The following FGGY variants were observed in gnomAD, a reference collection of about 807,000 sequenced individuals.
FGGY encodes FGGY carbohydrate kinase domain-containing protein.
Under a neutral mutation model 71.3 loss-of-function variants are expected in FGGY, and 72 were observed. The observed-to-expected ratio is 1.01, with a 90% confidence interval of 0.84 to 1.23. FGGY has a LOEUF of 1.23. Ranked by LOEUF, FGGY falls within the 50% of genes most tolerant of loss-of-function variation. The pLI is 0.00. For missense variants in FGGY, 668 were observed against 682.3 expected, an observed-to-expected ratio of 0.98 and a Z score of 0.23; for synonymous variants, 251 against 250.3, an observed-to-expected ratio of 1.00 and a Z score of -0.02.
At chr1:59,615,351 C>A (rs1276854847) in intron 9 of FGGY, among the ~76,000 whole-genome samples, 1 of 152,192 alleles carries the variant, frequency 6.6e-6, no homozygotes. Context: ...TGCCACATAT[C>A]TACAACTATC....
At chr1:59,673,852 G>T (rs2097405941) in intron 13 of FGGY, 187 bp from the exon 14 acceptor site, 2 of 563,146 alleles carry the variant, frequency 3.6e-6, no homozygotes, top group Admixed American at 5.9e-5. Context: ...GCACCAGCAG[G>T]CACAGGCAGT....
At chr1:59,558,236 G>T (rs535266506) in intron 8 of FGGY, among the ~76,000 whole-genome samples, 2 of 152,294 alleles carry the variant, frequency 1.3e-5, no homozygotes, top group South Asian at 4.1e-4. Flanking sequence ...AAAATGAGTT[G>T]TTAATCACAT....
intron 7 of FGGY, among the ~76,000 whole-genome samples, chr1:59,550,560 A>G (rs1163436343): frequency 6.6e-6 from 1 of 152,156 alleles, no homozygotes; most frequent in Non-Finnish European, 1.5e-5. Context: ...CTCAGCTTGT[A>G]TTTTAGGAGA....
At chr1:59,682,269 T>C (rs975280291) in intron 14 of FGGY, among the ~76,000 whole-genome samples, 3 of 152,122 alleles carry the variant, frequency 2.0e-5, no homozygotes, top group African/African-American at 7.2e-5. Flanking sequence ...CAAGTGGAAA[T>C]GGATTCTTAT....
chr1:59,749,961 G>T (rs2098231631), intron 14 of FGGY, among the ~76,000 whole-genome samples: 1 of 152,144 alleles, frequency 6.6e-6, no homozygotes, highest in African/African-American at 2.4e-5. Flanking sequence ...AAATCACCTA[G>T]ACTGGTCCTG....
At chr1:59,359,093 T>C (rs879094995) in intron 4 of FGGY, among the ~76,000 whole-genome samples, 1 of 152,242 alleles carries the variant, frequency 6.6e-6, no homozygotes, top group Admixed American at 6.5e-5. Flanking sequence ...TAAGACATCA[T>C]TGGAGCTTAC....
At chr1:59,313,724 A>G (rs947697955) in intron 1 of FGGY, among the ~76,000 whole-genome samples, 4 of 152,218 alleles carry the variant, frequency 2.6e-5, no homozygotes, top group African/African-American at 9.7e-5. Context: ...CAAACATTGT[A>G]TGTTCTCACT....
chr1:59,382,622 C>T (rs776426642), intron 5 of FGGY, among the ~76,000 whole-genome samples: 90 of 152,278 alleles, frequency 5.9e-4, no homozygotes, highest in Non-Finnish European at 1.0e-3. Context: ...AAAGTTATTT[C>T]TGAGAGAATC....
chr1:59,338,842 A>G (rs184790237), intron 2 of FGGY, among the ~76,000 whole-genome samples: 2 of 152,296 alleles, frequency 1.3e-5, no homozygotes, highest in Admixed American at 1.3e-4. Context: ...TTTAATTTTA[A>G]TAAATGTCAA....
At chr1:59,691,494 A>G (rs1247584740) in intron 14 of FGGY, among the ~76,000 whole-genome samples, 1 of 152,116 alleles carries the variant, frequency 6.6e-6, no homozygotes, top group Admixed American at 6.5e-5. Context: ...TAGAAATTCT[A>G]TCCAGCCACT....
chr1:59,494,465 A>G (rs929059164), intron 6 of FGGY, among the ~76,000 whole-genome samples: 5 of 152,310 alleles, frequency 3.3e-5, no homozygotes, highest in Middle Eastern at 3.4e-3. Flanking sequence ...AGCAGAATGT[A>G]CTGAGGAAGG....
chr1:59,529,706 T>A (rs11207468), intron 7 of FGGY, among the ~76,000 whole-genome samples: 4 of 152,256 alleles, frequency 2.6e-5, no homozygotes, highest in Admixed American at 2.6e-4. Flanking sequence ...CCTGGAGGCA[T>A]TGGCAAATCA....
chr1:59,303,340 T>TA (rs1353913849), intron 1 of FGGY, among the ~76,000 whole-genome samples: 1 of 152,172 alleles, frequency 6.6e-6, no homozygotes, highest in East Asian at 1.9e-4. Flanking sequence ...ATTCTTCATA[T>TA]AAGGAATATC....
intron 5 of FGGY, among the ~76,000 whole-genome samples, chr1:59,381,639 G>A (rs1334141887): frequency 1.3e-5 from 1 of 78,594 alleles, no homozygotes; most frequent in Non-Finnish European, 2.8e-5. Context: ...GTGTGTGTGT[G>A]TGTGTGTGTG....
At chr1:59,740,154 C>A (rs1455770851) in intron 14 of FGGY, among the ~76,000 whole-genome samples, 1 of 152,168 alleles carries the variant, frequency 6.6e-6, no homozygotes, top group Non-Finnish European at 1.5e-5. Context: ...TGTTTCTTTA[C>A]CTAAACCTTT....
intron 6 of FGGY, among the ~76,000 whole-genome samples, chr1:59,511,693 A>C (rs1307273042): frequency 6.6e-6 from 1 of 152,222 alleles, no homozygotes; most frequent in African/African-American, 2.4e-5. Flanking sequence ...ACAACTCCAA[A>C]GAACATCATT....
chr1:59,552,464 C>T (rs1458679397), intron 7 of FGGY, among the ~76,000 whole-genome samples: 3 of 152,158 alleles, frequency 2.0e-5, no homozygotes, highest in Non-Finnish European at 4.4e-5. Flanking sequence ...GGTTGCTGTG[C>T]CCCAGAAGGT....
chr1:59,534,106 T>C (rs374588629), intron 7 of FGGY, among the ~76,000 whole-genome samples: 2 of 152,062 alleles, frequency 1.3e-5, no homozygotes, highest in East Asian at 1.9e-4. Flanking sequence ...GAATGTATAA[T>C]TAGAATAACC....
intron 6 of FGGY, among the ~76,000 whole-genome samples, chr1:59,463,426 A>G (rs939674930): frequency 1.3e-5 from 2 of 152,228 alleles, no homozygotes; most frequent in African/African-American, 2.4e-5. Context: ...TGTAAAGACC[A>G]TCGATGCTAG....
Sources: allele counts gnomAD v4.1 joint callset (sites outside exome capture counted in the v4.1 genomes callset), GRCh38; gene constraint gnomAD v4.1.1; transcripts MANE v1.5; gene names NCBI Gene and HGNC (gene_info 2026-07-23, HGNC 2026-07-21).